Variants in INPP4B observed in about 807,000 individuals in gnomAD.
INPP4B encodes inositol polyphosphate 4-phosphatase type II.
INPP4B carries 55 observed loss-of-function variants against 122.5 expected under a neutral mutation model. The ratio of observed to expected loss-of-function variants is 0.45; its 90% CI spans 0.36 to 0.56. INPP4B has a LOEUF of 0.56. Among genes scored for constraint, INPP4B ranks in the 20% least tolerant of loss-of-function variants. INPP4B has a pLI of 0.00. For synonymous variants in INPP4B, 403 were observed against 388.7 expected (o/e 1.04, Z -0.43); for missense variants, 1,000 against 1,097.7 (o/e 0.91, Z 1.26).
intron 2 of INPP4B, among the ~76,000 whole-genome samples, chr4:142,503,637 A>G (rs1296312878): frequency 6.6e-6 from 1 of 152,138 alleles, no homozygotes; most frequent in Non-Finnish European, 1.5e-5. Context: ...CAGGACTTAA[A>G]GCAGATTGGA....
In INPP4B at chr4:142,108,198, C is replaced by T. The variant is rs1240740273; in HGVS notation, c.2277-8G>A. 1 of 1,525,910 alleles carries T rather than the reference C, an allele frequency of 6.6e-7. No homozygotes were observed. Among genetic ancestry groups the T allele is most frequent in the East Asian group, 2.3e-5 (1 of 44,252 alleles). 94.5% of individuals were successfully genotyped at this position (1,525,910 alleles called of 1,614,324 possible). ...AAAGAGACATCTCCAAACCTACAAA[C>T]AGAAAAAAGAAAACAGCTGTGGGTT... On this transcript the variant is annotated splice_polypyrimidine_tract_variant and splice_region_variant and intron_variant, in intron 22 of 25. Coordinates refer to ENST00000262992, the MANE Select transcript of INPP4B (RefSeq NM_001101669.3).
intron 1 of INPP4B, among the ~76,000 whole-genome samples, chr4:142,790,118 T>A (rs1776331211): frequency 6.6e-6 from 1 of 152,064 alleles, no homozygotes; most frequent in Non-Finnish European, 1.5e-5. Context: ...GACCTGAAAC[T>A]ATAAAAATTC....
chr4:142,572,273 G>C (rs1732999306), intron 2 of INPP4B, among the ~76,000 whole-genome samples: 1 of 152,118 alleles, frequency 6.6e-6, no homozygotes, highest in African/African-American at 2.4e-5. Flanking sequence ...GAAGTGCTGA[G>C]CATTGGCACA....
rs1018848000 is a variant in INPP4B at position 142,827,173 on chromosome 4, G to T, written c.-254+19036C>A. On this transcript the variant is annotated intron_variant, in intron 1 of 25. Coordinates refer to ENST00000262992, the MANE Select transcript of INPP4B (RefSeq NM_001101669.3). ...GCTTGTTCTTCATACTATCCTCTGT[G>T]GGAAGAATCTTAAACACACCAGCCA... is the stretch of plus-strand genomic sequence containing the variant. 8.5e-5 allele frequency among the ~76,000 whole-genome samples: 13 copies of T among 152,248 alleles called. No individual in the cohort carries two copies. The East Asian group carries it at 2.5e-3, about 29-fold the overall frequency.
intron 12 of INPP4B, among the ~76,000 whole-genome samples, chr4:142,237,074 C>T (rs1856976081): frequency 6.6e-6 from 1 of 152,190 alleles, no homozygotes; most frequent in African/African-American, 2.4e-5. Flanking sequence ...AACCAATCAG[C>T]TCTCAAATCC....
chr4:142,230,505 C>A (rs1046377190), intron 12 of INPP4B, among the ~76,000 whole-genome samples: 5 of 151,906 alleles, frequency 3.3e-5, no homozygotes, highest in East Asian at 1.9e-4. Context: ...ATTATCTGCA[C>A]GTGGTGGCGC....
intron 2 of INPP4B, among the ~76,000 whole-genome samples, chr4:142,521,736 A>T (rs6836996): frequency 3.3e-5 from 5 of 152,190 alleles, no homozygotes; most frequent in African/African-American, 1.2e-4. Flanking sequence ...ATAATACATA[A>T]GATTTCTGTG....
At chr4:142,561,876 G>T (rs1472732756) in intron 2 of INPP4B, among the ~76,000 whole-genome samples, 2 of 152,142 alleles carry the variant, frequency 1.3e-5, no homozygotes, top group African/African-American at 4.8e-5. Context: ...CTGTAAAAAA[G>T]GTTCTGTCTA....
chr4:142,333,897 T>A (rs1431204988), intron 7 of INPP4B, among the ~76,000 whole-genome samples: 1 of 152,142 alleles, frequency 6.6e-6, no homozygotes, highest in Non-Finnish European at 1.5e-5. Context: ...CAAGATCTAC[T>A]CTCCTAATAA....
At chr4:142,367,902 T>C (rs1375209876) in intron 7 of INPP4B, among the ~76,000 whole-genome samples, 1 of 152,150 alleles carries the variant, frequency 6.6e-6, no homozygotes, top group Non-Finnish European at 1.5e-5. Flanking sequence ...CAATAAACCA[T>C]GGGTATAGAA....
intron 14 of INPP4B, among the ~76,000 whole-genome samples, chr4:142,193,598 T>C (rs148284130): frequency 2.6e-5 from 4 of 152,290 alleles, no homozygotes; most frequent in African/African-American, 9.6e-5. Context: ...AACCAAATTT[T>C]ACATAGAAAA....
At chr4:142,164,497 C>G (rs1295307604) in intron 16 of INPP4B, among the ~76,000 whole-genome samples, 5 of 151,792 alleles carry the variant, frequency 3.3e-5, no homozygotes, top group African/African-American at 1.2e-4. Context: ...GTGCTACACT[C>G]TGTCATTAGG....
intron 1 of INPP4B, among the ~76,000 whole-genome samples, chr4:142,770,052 C>T (rs1772797169): frequency 6.6e-6 from 1 of 152,158 alleles, no homozygotes; most frequent in Non-Finnish European, 1.5e-5. Flanking sequence ...TCATTGAAGA[C>T]CAACTGTAGC....
chr4:142,029,031 ACATT>A, intron 25 of INPP4B, 117 bp from the exon 26 acceptor site: 1 of 1,434,414 alleles, frequency 7.0e-7, no homozygotes, highest in Non-Finnish European at 9.1e-7. Flanking sequence ...ATTCAACTCT[ACATT>A]TTTTTTTTCC....
At chr4:142,381,469 T>C (rs540570775) in intron 7 of INPP4B, among the ~76,000 whole-genome samples, 2 of 152,244 alleles carry the variant, frequency 1.3e-5, no homozygotes, top group East Asian at 3.9e-4. Flanking sequence ...ATTATAGAGA[T>C]TAACCCACTA....
At position 142,826,044 on chromosome 4, in the gene INPP4B, T is replaced by C. The variant is rs114285184; in HGVS notation, c.-254+20165A>G. On this transcript the variant is annotated intron_variant, in intron 1 of 25. Transcript: ENST00000262992. ...ACACTGATTTTTAATTTGTTTGTGT[T>C]GTCGCATCGCCATTGATAGGCTCAA... 8.3e-3 allele frequency among the ~76,000 whole-genome samples: 1,257 copies of C among 152,242 alleles called. 12 individuals carry two copies. The highest frequency in any genetic ancestry group is 0.024 in the African/African-American group (988 of 41,546).
At chr4:142,268,974 C>T (rs1396047739) in intron 10 of INPP4B, among the ~76,000 whole-genome samples, 5 of 151,982 alleles carry the variant, frequency 3.3e-5, no homozygotes. Context: ...CCTTGTGGGC[C>T]CCAACTCTTT....
At chr4:142,691,253 G>A (rs1271554797) in intron 2 of INPP4B, among the ~76,000 whole-genome samples, 1 of 151,904 alleles carries the variant, frequency 6.6e-6, no homozygotes, top group Admixed American at 6.6e-5. Context: ...CTTTTACACT[G>A]AGACTTGAAT....
At chr4:142,675,430 G>A (rs1475181569) in intron 2 of INPP4B, among the ~76,000 whole-genome samples, 1 of 152,234 alleles carries the variant, frequency 6.6e-6, no homozygotes, top group African/African-American at 2.4e-5. Context: ...ACAAAAAGGA[G>A]CTGGTACCAT....
Sources: allele counts gnomAD v4.1 joint callset (sites outside exome capture counted in the v4.1 genomes callset), GRCh38; gene constraint gnomAD v4.1.1; transcripts MANE v1.5; gene names NCBI Gene and HGNC (gene_info 2026-07-23, HGNC 2026-07-21).